The following NIPA1 variants were observed in gnomAD, a reference collection of about 807,000 sequenced individuals.
NIPA1 encodes NIPA magnesium transporter 1, also known as magnesium transporter NIPA1.
In NIPA1, 13 loss-of-function variants were observed where a neutral mutation model predicts 23.9. The observed-to-expected ratio is 0.54, with a 90% CI of 0.35 to 0.87. The LOEUF (loss-of-function observed/expected upper bound fraction) is 0.87, where lower values mean the gene tolerates loss of function less well. Ranked by LOEUF, NIPA1 falls within the 40% of genes least tolerant of loss-of-function variation. NIPA1 has a pLI of 0.01. For synonymous variants in NIPA1, 234 were observed against 202.9 expected (o/e 1.15, Z -1.30); for missense variants, 362 against 429.7 (o/e 0.84, Z 1.39).
intron 1 of NIPA1, among the ~76,000 whole-genome samples, chr15:22,792,334 C>G (rs983504337): frequency 6.6e-6 from 1 of 151,458 alleles, no homozygotes; most frequent in African/African-American, 2.4e-5. Flanking sequence ...CTCAGGAAAG[C>G]TGTGTGTTTA....
chr15:22,803,261 T>C (rs2140859306), intron 1 of NIPA1, among the ~76,000 whole-genome samples: 1 of 152,084 alleles, frequency 6.6e-6, no homozygotes, highest in South Asian at 2.1e-4. Flanking sequence ...CTGGCTGGGT[T>C]CCCAAAGTGC....
chr15:22,788,744 C>T (rs1023735155), intron 1 of NIPA1, among the ~76,000 whole-genome samples: 3 of 150,988 alleles, frequency 2.0e-5, no homozygotes, highest in African/African-American at 7.3e-5. Flanking sequence ...AATAAACAAG[C>T]GAGTAGCCTT....
intron 1 of NIPA1, 39 bp downstream of exon 1, chr15:22,786,873 G>C (rs1894717999): frequency 1.2e-6 from 1 of 851,398 alleles, no homozygotes; most frequent in Non-Finnish European, 1.5e-6. Flanking sequence ...GGGCGGGTGG[G>C]GGAGGCGGGC....
At chr15:22,795,294 A>AG (rs1169619377) in intron 1 of NIPA1, among the ~76,000 whole-genome samples, 1 of 152,068 alleles carries the variant, frequency 6.6e-6, no homozygotes, top group African/African-American at 2.4e-5. Flanking sequence ...GAGATAAAGG[A>AG]GGGCTGCTGC....
At chr15:22,798,087 T>TC (rs1359379665) in intron 1 of NIPA1, among the ~76,000 whole-genome samples, 1 of 147,766 alleles carries the variant, frequency 6.8e-6, no homozygotes, top group Non-Finnish European at 1.5e-5. Flanking sequence ...TACCTTGTGA[T>TC]CCCCCCGCCT....
chr15:22,791,066 GT>G (rs1208796528), intron 1 of NIPA1, among the ~76,000 whole-genome samples: 1 of 152,122 alleles, frequency 6.6e-6, no homozygotes, highest in African/African-American at 2.4e-5. Flanking sequence ...GGCTTTTAAT[GT>G]AACATCACCT....
intron 1 of NIPA1, among the ~76,000 whole-genome samples, chr15:22,809,994 C>T (rs910776061): frequency 3.3e-5 from 5 of 151,992 alleles, no homozygotes; most frequent in African/African-American, 9.7e-5. Context: ...TGCGGTGAGC[C>T]GACATCGCGC....
intron 3 of NIPA1, among the ~76,000 whole-genome samples, chr15:22,819,852 G>A (rs1403360794): frequency 6.6e-6 from 1 of 152,144 alleles, no homozygotes; most frequent in Non-Finnish European, 1.5e-5. Context: ...ATATAGTGGT[G>A]TAAATTATGT....
intron 4 of NIPA1, 131 bp downstream of exon 4, chr15:22,820,604 G>GATCT: frequency 1.3e-6 from 1 of 791,018 alleles, no homozygotes; most frequent in East Asian, 2.4e-5. Context: ...TGTTACTGTA[G>GATCT]ATCTGTGTTC....
chr15:22,800,190 TCCTC>T (rs1895046275), intron 1 of NIPA1, among the ~76,000 whole-genome samples: 1 of 151,936 alleles, frequency 6.6e-6, no homozygotes, highest in Non-Finnish European at 1.5e-5. Context: ...AAATCATCCT[TCCTC>T]AGCAATTTCG....
chr15:22,819,730 A>T (rs1335184697), intron 3 of NIPA1, among the ~76,000 whole-genome samples: 1 of 152,034 alleles, frequency 6.6e-6, no homozygotes, highest in Non-Finnish European at 1.5e-5. Context: ...TGTAGCATAG[A>T]TATTAGTATT....
intron 4 of NIPA1, 48 bp from the exon 5 acceptor site, chr15:22,823,680 G>T (rs765739370): frequency 6.4e-7 from 1 of 1,560,506 alleles, no homozygotes. Context: ...CCTGGGTTGC[G>T]GCTGCTAGGC....
At chr15:22,799,802 C>T (rs1273659855) in intron 1 of NIPA1, among the ~76,000 whole-genome samples, 3 of 122,954 alleles carry the variant, frequency 2.4e-5, no homozygotes, top group African/African-American at 5.4e-5. Flanking sequence ...AAAAATTAGG[C>T]GAGTGTTGTG....
At position 22,793,239 on chromosome 15, in the gene NIPA1, C is replaced by T. The variant is rs1442441014; in HGVS notation, c.178+6405C>T. Among the ~76,000 whole-genome samples, 9 of 150,358 alleles carry T rather than the reference C, an allele frequency of 6.0e-5. No homozygotes were observed. The East Asian group carries it at 1.4e-3, about 24-fold the overall frequency. ...TGGCACATGCCTGTAGTCCCAGCCA[C>T]TTGGGAGGCTGAGGCATGAAAATTG... On this transcript the variant is annotated intron_variant, in intron 1 of 4. Coordinates refer to ENST00000337435, the MANE Select transcript of NIPA1 (RefSeq NM_144599.5).
At chr15:22,810,175 T>C (rs1195134345) in intron 1 of NIPA1, among the ~76,000 whole-genome samples, 4 of 152,192 alleles carry the variant, frequency 2.6e-5, no homozygotes, top group African/African-American at 9.6e-5. Flanking sequence ...GGGCTCCGCC[T>C]GCCCTGCGTG....
At chr15:22,816,867 T>C (rs947652173) in intron 3 of NIPA1, among the ~76,000 whole-genome samples, 5 of 151,876 alleles carry the variant, frequency 3.3e-5, no homozygotes, top group African/African-American at 7.3e-5. Context: ...GCAAGGTCGA[T>C]GGACACAAGA....
intron 3 of NIPA1, among the ~76,000 whole-genome samples, chr15:22,813,288 T>C (rs1895354153): frequency 6.6e-6 from 1 of 152,244 alleles, no homozygotes; most frequent in Middle Eastern, 3.4e-3. Flanking sequence ...AATTTTAATT[T>C]CATTTTATTT....
At chr15:22,795,212 G>A (rs1894916186) in intron 1 of NIPA1, among the ~76,000 whole-genome samples, 1 of 152,118 alleles carries the variant, frequency 6.6e-6, no homozygotes, top group South Asian at 2.1e-4. Flanking sequence ...TGAGAAGGGC[G>A]TGAGAGTCGG....
At chr15:22,792,817 G>A (rs1024907971) in intron 1 of NIPA1, among the ~76,000 whole-genome samples, 1 of 151,984 alleles carries the variant, frequency 6.6e-6, no homozygotes, top group African/African-American at 2.4e-5. Context: ...GTCCGGGTGT[G>A]GTGGTGGGCA....
Sources: gnomAD v4.1 joint callset for allele counts (sites outside exome capture counted in the v4.1 genomes callset) on GRCh38, gnomAD v4.1.1 for gene constraint, MANE v1.5 for transcripts, NCBI Gene and HGNC (gene_info 2026-07-23, HGNC 2026-07-21) for gene names.